The following LRRC7 variants were observed in gnomAD, a reference collection of about 807,000 sequenced individuals.
LRRC7 encodes the protein leucine rich repeat containing 7.
LRRC7 carries 23 observed loss-of-function variants against 175.7 expected under a neutral mutation model. The observed-to-expected ratio is 0.13, with a 90% CI of 0.09 to 0.19. The LOEUF is 0.19. LRRC7 is among the 10% of genes least tolerant of loss of function. The pLI is 1.00. For missense variants in LRRC7, 1,354 were observed against 1,904.7 expected (o/e 0.71, Z 5.38); for synonymous variants, 685 against 680.9 (o/e 1.01, Z -0.09).
chr1:69,642,700 C>T (rs367841978), intron 1 of LRRC7, among the ~76,000 whole-genome samples: 5 of 152,028 alleles, frequency 3.3e-5, no homozygotes, highest in African/African-American at 1.2e-4. Context: ...AACATGAAAA[C>T]ATCATGTGTT....
At chr1:70,115,463 T>TTGTTTTGTTC (rs57395476) in intron 26 of LRRC7, among the ~76,000 whole-genome samples, 3 of 152,172 alleles carry the variant, frequency 2.0e-5, no homozygotes, top group African/African-American at 4.8e-5. Context: ...TTGTTTTGTT[T>TTGTTTTGTTC]AACACTAGTC....
chr1:69,926,776 G>A (rs547784357), intron 7 of LRRC7, among the ~76,000 whole-genome samples: 2 of 152,230 alleles, frequency 1.3e-5, no homozygotes, highest in Admixed American at 1.3e-4. Context: ...GCCAGTCTGT[G>A]TCTTTTAATT....
At chr1:70,092,997 A>C (rs1484489332) in intron 25 of LRRC7, among the ~76,000 whole-genome samples, 1 of 152,184 alleles carries the variant, frequency 6.6e-6, no homozygotes, top group Non-Finnish European at 1.5e-5. Context: ...AACAATGTTT[A>C]GTAGTGAAAA....
intron 8 of LRRC7, among the ~76,000 whole-genome samples, chr1:69,974,278 A>G (rs1652588497): frequency 1.3e-5 from 2 of 152,158 alleles, no homozygotes; most frequent in African/African-American, 4.8e-5. Flanking sequence ...TTAGGTTGTG[A>G]CCAACTTTTT....
chr1:69,798,597 A>G (rs1217755741), intron 4 of LRRC7, among the ~76,000 whole-genome samples: 1 of 152,172 alleles, frequency 6.6e-6, no homozygotes, highest in Non-Finnish European at 1.5e-5. Context: ...TGTACCCATC[A>G]TGGAAATTAA....
Position 69,795,375 on chromosome 1 carries a change from GA to G in LRRC7, c.421+3229del, listed in dbSNP as rs201651394. Among the ~76,000 whole-genome samples the G allele has an allele frequency of 6.6e-3, 898 of 135,226 alleles. 3 individuals carry two copies. The highest frequency in any genetic ancestry group is 0.01 in the Non-Finnish European group (637 of 63,094). The allele number at this position is 135,226 out of a possible 152,430, so 88.7% of individuals were successfully genotyped here. ...GGACGACAGAGCAAGACACCGTCTC[GA>G]AAAAAAAAAAAAAGCTATCACTGAT... On this transcript the variant is annotated intron_variant, in intron 4 of 26. Transcript: ENST00000651989.
chr1:69,717,731 G>A (rs1665538416), intron 2 of LRRC7, among the ~76,000 whole-genome samples: 1 of 142,914 alleles, frequency 7.0e-6, no homozygotes, highest in Non-Finnish European at 1.5e-5. Context: ...ACTCTAGAAG[G>A]CCATAATTTA....
Position 69,795,902 on chromosome 1 carries a change from T to A in LRRC7, c.421+3742T>A, listed in dbSNP as rs993973678. The stretch of plus-strand genomic sequence containing the variant: ...TATCTGCACAATTTGAGTAAACAGA[T>A]TTTTTTTGGGTTTTTTTTTGTTTTT... On this transcript the variant is annotated intron_variant, in intron 4 of 26. Coordinates refer to ENST00000651989, the MANE Select transcript of LRRC7 (RefSeq NM_001370785.2). Among the ~76,000 whole-genome samples, 5 of 142,976 alleles carry A rather than the reference T, an allele frequency of 3.5e-5. No homozygotes were observed. In the South Asian group the frequency reaches 1.1e-3, roughly 31 times the overall value. The allele number at this position is 142,976 out of a possible 152,430, so 93.8% of individuals were successfully genotyped here.
intron 2 of LRRC7, among the ~76,000 whole-genome samples, chr1:69,726,734 T>C (rs1239710152): frequency 2.0e-5 from 3 of 151,464 alleles, no homozygotes; most frequent in Non-Finnish European, 4.4e-5. Context: ...TTCTTTAAAA[T>C]TTGAAAATGT....
intron 2 of LRRC7, among the ~76,000 whole-genome samples, chr1:69,736,888 CAAT>C (rs1191710398): frequency 6.6e-6 from 1 of 152,016 alleles, no homozygotes; most frequent in Non-Finnish European, 1.5e-5. Context: ...TAATGTGAGA[CAAT>C]AAGTTGTAAA....
At chr1:69,751,943 G>A (rs1170235409) in intron 2 of LRRC7, among the ~76,000 whole-genome samples, 2 of 152,096 alleles carry the variant, frequency 1.3e-5, no homozygotes, top group Admixed American at 6.6e-5. Flanking sequence ...ACAGTCCATT[G>A]ATCTTGGTGA....
chr1:69,866,624 A>C lies in LRRC7; in HGVS notation c.647+28341A>C, dbSNP rs566024082. Among the ~76,000 whole-genome samples, 75 of 152,374 alleles carry C rather than the reference A, an allele frequency of 4.9e-4. 2 individuals are homozygous for C. The highest frequency in any genetic ancestry group is 1.7e-3 in the African/African-American group (69 of 41,588). On this transcript the variant is annotated intron_variant, in intron 7 of 26. Transcript: ENST00000651989. ...TCTTATAAAATGAAAGCATCAGAAC[A>C]TTCTTAAACATCATAATAATAAAAA...
chr1:69,822,751 T>G (rs1679447409), intron 4 of LRRC7, among the ~76,000 whole-genome samples: 1 of 152,172 alleles, frequency 6.6e-6, no homozygotes, highest in Non-Finnish European at 1.5e-5. Flanking sequence ...ATGAAACTAT[T>G]CTCCGTACTA....
chr1:69,782,632 G>A (rs1394548089), intron 3 of LRRC7, among the ~76,000 whole-genome samples: 1 of 152,158 alleles, frequency 6.6e-6, no homozygotes, highest in Non-Finnish European at 1.5e-5. Flanking sequence ...AAGGGAAATG[G>A]CAAGATGAGA....
intron 3 of LRRC7, among the ~76,000 whole-genome samples, chr1:69,786,612 TA>T (rs1674469236): frequency 6.6e-6 from 1 of 152,068 alleles, no homozygotes; most frequent in Admixed American, 6.6e-5. Context: ...TGATGGAAGG[TA>T]AAAGGCACAT....
intron 26 of LRRC7, among the ~76,000 whole-genome samples, chr1:70,112,126 A>G (rs531124760): frequency 2.6e-5 from 4 of 152,182 alleles, no homozygotes; most frequent in South Asian, 2.1e-4. Context: ...TTCTTGTCTT[A>G]GAAAGAACCT....
intron 3 of LRRC7, among the ~76,000 whole-genome samples, chr1:69,772,954 G>C (rs1362037442): frequency 1.3e-5 from 2 of 152,192 alleles, no homozygotes; most frequent in Non-Finnish European, 2.9e-5. Context: ...GTATTTGCTA[G>C]TACGGAAGTC....
chr1:70,119,677 C>T (rs139358910), intron 26 of LRRC7, among the ~76,000 whole-genome samples: 19 of 132,270 alleles, frequency 1.4e-4, no homozygotes, highest in African/African-American at 5.1e-4. Flanking sequence ...AACATTGATA[C>T]GATGTCAAGT....
intron 7 of LRRC7, among the ~76,000 whole-genome samples, chr1:69,930,889 C>T (rs921871186): frequency 4.0e-5 from 6 of 149,734 alleles, no homozygotes; most frequent in African/African-American, 1.5e-4. Context: ...GGAGAAACCA[C>T]CCCCATGATC....
Sources: allele counts gnomAD v4.1 joint callset (sites outside exome capture counted in the v4.1 genomes callset), GRCh38; gene constraint gnomAD v4.1.1; transcripts MANE v1.5; gene names NCBI Gene and HGNC (gene_info 2026-07-23, HGNC 2026-07-21).